MIGA1: variants seen among roughly 807,000 people sequenced by gnomAD.
MIGA1 encodes the protein mitoguardin 1.
A neutral mutation model predicts 82.0 loss-of-function variants in MIGA1; 58 were observed. The observed-to-expected ratio is 0.71, with a 90% CI of 0.57 to 0.88. The LOEUF (loss-of-function observed/expected upper bound fraction) is 0.88. MIGA1 is among the 40% of genes least tolerant of loss of function. The pLI is 0.00. For missense variants in MIGA1, 751 were observed against 749.1 expected (o/e 1.00, Z -0.03); for synonymous variants, 249 against 253.6 (o/e 0.98, Z 0.17).
At chr1:77,825,047 G>T (rs185769259) in intron 7 of MIGA1, among the ~76,000 whole-genome samples, 1 of 139,806 alleles carries the variant, frequency 7.2e-6, no homozygotes, top group African/African-American at 2.6e-5. Context: ...GGAGTGCAGT[G>T]GCATGATCTT....
intron 13 of MIGA1, among the ~76,000 whole-genome samples, chr1:77,865,249 A>G (rs1685618653): frequency 6.6e-6 from 1 of 151,948 alleles, no homozygotes; most frequent in Admixed American, 6.6e-5. Flanking sequence ...ATTTGGATCA[A>G]ACTGTTAGCT....
chr1:77,783,863 GT>G (rs1445189984), intron 2 of MIGA1, among the ~76,000 whole-genome samples: 1 of 152,008 alleles, frequency 6.6e-6, no homozygotes, highest in African/African-American at 2.4e-5. Context: ...CCACCATTCT[GT>G]TTCCTGTCTG....
chr1:77,848,842 CTG>C, intron 8 of MIGA1: 1 of 1,087,718 alleles, frequency 9.2e-7, no homozygotes, highest in South Asian at 2.7e-5. Context: ...GCACAGAAAA[CTG>C]TAATTCCTGG....
chr1:77,793,352 T>C (rs1368372696), intron 2 of MIGA1, among the ~76,000 whole-genome samples: 1 of 151,522 alleles, frequency 6.6e-6, no homozygotes, highest in African/African-American at 2.4e-5. Flanking sequence ...GTCTGTCCGC[T>C]TTGGCCTCAC....
intron 8 of MIGA1, chr1:77,847,934 A>G: frequency 2.2e-6 from 3 of 1,368,266 alleles, no homozygotes; most frequent in Non-Finnish European, 3.1e-6. Context: ...AGTGAACTGC[A>G]GAAGGGAAAA....
rs79884957 is a variant in MIGA1, at chr1:77,851,649, A to G, written c.997-7289A>G. ...AGCTGGCATTGTCTCTGAAGAGTCA[A>G]TAATGTTAGCTAGTATCAAATCTTC... On this transcript the variant is annotated intron_variant, in intron 8 of 15. Coordinates refer to ENST00000370791, the MANE Select transcript of MIGA1 (RefSeq NM_198549.4). 1.8e-3 allele frequency among the ~76,000 whole-genome samples: 277 copies of G among 152,280 alleles called. 1 individual carries two copies. The highest frequency in any genetic ancestry group is 6.3e-3 in the African/African-American group (263 of 41,572).
chr1:77,817,979 G>A (rs1683636956), intron 7 of MIGA1, among the ~76,000 whole-genome samples: 1 of 124,522 alleles, frequency 8.0e-6, no homozygotes, highest in South Asian at 2.4e-4. Context: ...TTTTTTTGCA[G>A]CAGTCTTTCT....
chr1:77,833,093 A>G (rs1424591037), intron 7 of MIGA1, among the ~76,000 whole-genome samples: 3 of 152,216 alleles, frequency 2.0e-5, no homozygotes, highest in Non-Finnish European at 4.4e-5. Context: ...CTTGGCAACA[A>G]GAGGAAATAC....
chr1:77,853,727 G>A lies in MIGA1; in HGVS notation c.997-5211G>A, dbSNP rs77928771. ...ACAAACAACACACACACACAAAGGA[G>A]GCATCATGCTTCCAGAAAAATCTCA... On this transcript the variant is annotated intron_variant, in intron 8 of 15. Coordinates refer to ENST00000370791, the MANE Select transcript of MIGA1 (RefSeq NM_198549.4). 9.0e-3 allele frequency: 2,856 copies of A among 318,862 alleles called. 95 individuals carry two copies. Among genetic ancestry groups the A allele is most frequent in the African/African-American group, 0.06 (2,687 of 44,790 alleles). 19.8% of individuals were successfully genotyped at this position (318,862 alleles called of 1,614,324 possible). A position where few individuals can be genotyped will look rare whatever the true frequency, so the allele number is the denominator to read the frequency against.
At chr1:77,798,371 AAG>A (rs1443673320) in intron 2 of MIGA1, among the ~76,000 whole-genome samples, 2 of 152,312 alleles carry the variant, frequency 1.3e-5, no homozygotes, top group East Asian at 3.9e-4. Context: ...TATAAAGAAA[AAG>A]AGGTTTAATG....
At chr1:77,872,486 A>G (rs909019836) in intron 14 of MIGA1, among the ~76,000 whole-genome samples, 1 of 152,108 alleles carries the variant, frequency 6.6e-6, no homozygotes, top group Non-Finnish European at 1.5e-5. Context: ...GTGTGGTTCC[A>G]GCTACCTGGA....
chr1:77,799,218 T>A (rs1438362261), intron 2 of MIGA1, among the ~76,000 whole-genome samples: 1 of 152,196 alleles, frequency 6.6e-6, no homozygotes, highest in Non-Finnish European at 1.5e-5. Flanking sequence ...ACTTAACAAT[T>A]TTTTGACTTC....
intron 7 of MIGA1, among the ~76,000 whole-genome samples, chr1:77,839,044 T>C (rs1414620177): frequency 6.6e-6 from 1 of 152,156 alleles, no homozygotes; most frequent in Non-Finnish European, 1.5e-5. Context: ...TTATGAACAC[T>C]CTTATGCATA....
intron 7 of MIGA1, among the ~76,000 whole-genome samples, chr1:77,820,978 A>T (rs192078209): frequency 6.6e-6 from 1 of 151,962 alleles, no homozygotes; most frequent in Admixed American, 6.6e-5. Flanking sequence ...TACTAAAAAT[A>T]CAAAAATTAG....
At position 77,878,408 on chromosome 1, in the gene MIGA1, A is replaced by G; in HGVS notation, c.*3344A>G. ...AAACTCTGTCTCAAAAAAAAAAAAA[A>G]AAAAAAAAAAAAAGACATATGTAAC... is the stretch of plus-strand genomic sequence containing the variant. On this transcript the variant is annotated 3_prime_UTR_variant, in exon 16 of 16. Transcript: ENST00000370791. 1 of 150,698 alleles carries G rather than the reference A, an allele frequency of 6.6e-6. No homozygotes were observed. The highest frequency in any genetic ancestry group is 1.5e-5 in the Non-Finnish European group (1 of 67,858). 9.3% of individuals were successfully genotyped at this position (150,698 alleles called of 1,614,324 possible).
intron 8 of MIGA1, among the ~76,000 whole-genome samples, chr1:77,850,661 A>G (rs1038735887): frequency 4.6e-5 from 7 of 152,182 alleles, no homozygotes; most frequent in Non-Finnish European, 8.8e-5. Flanking sequence ...CAAATTTAGC[A>G]AAGTCATTAC....
rs59328443 is a variant in MIGA1 at position 77,820,106 on chromosome 1, CTT to C, written c.895+4892_895+4893del. On this transcript the variant is annotated intron_variant, in intron 7 of 15. Transcript: ENST00000370791. ...GGTGGTGGTATGCTTTTGTGTAGAT[CTT>C]TTTTTTTTTTTTTTTTAATTTTTCT... 3.1e-3 allele frequency among the ~76,000 whole-genome samples: 393 copies of C among 127,874 alleles called. 1 individual carries two copies. The highest frequency in any genetic ancestry group is 0.01 in the African/African-American group (352 of 34,874). The allele number at this position is 127,874 out of a possible 152,430, so 83.9% of individuals were successfully genotyped here. A position where few individuals can be genotyped will look rare whatever the true frequency, so the allele number is the denominator to read the frequency against.
Position 77,844,320 on chromosome 1 carries a change from CA to C in MIGA1, c.996+914del, listed in dbSNP as rs1684757904. Reference sequence around the variant, plus strand: ...AACATGTTTCCAATAATTTTAATGACATGGGAACATGTTAAGTGAAAAGATT... The same window carrying C: ...AACATGTTTCCAATAATTTTAATGACTGGGAACATGTTAAGTGAAAAGATT... On this transcript the variant is annotated intron_variant, in intron 8 of 15. Coordinates refer to ENST00000370791, the MANE Select transcript of MIGA1 (RefSeq NM_198549.4). Among the ~76,000 whole-genome samples, 10 of 151,390 alleles carry C rather than the reference CA, an allele frequency of 6.6e-5. No individual in the cohort carries two copies. The South Asian group carries it at 2.1e-3, about 32-fold the overall frequency.
intron 11 of MIGA1, chr1:77,860,335 A>G: frequency 4.0e-6 from 2 of 505,570 alleles, no homozygotes; most frequent in Non-Finnish European, 7.0e-6. Context: ...AGTTTGCCAT[A>G]AACTCTGTAA....
Sources: gnomAD v4.1 joint callset for allele counts (sites outside exome capture counted in the v4.1 genomes callset) on GRCh38, gnomAD v4.1.1 for gene constraint, MANE v1.5 for transcripts, NCBI Gene and HGNC (gene_info 2026-07-23, HGNC 2026-07-21) for gene names.